The following DDX23 variants were observed in gnomAD, a reference collection of about 807,000 sequenced individuals.
The protein encoded by DDX23 is probable ATP-dependent RNA helicase DDX23.
Under a neutral mutation model 102.7 loss-of-function variants are expected in DDX23, and 33 were observed. The observed-to-expected ratio is 0.32, with a 90% CI of 0.24 to 0.43. DDX23 has a LOEUF of 0.43. Among genes scored for constraint, DDX23 ranks in the 20% least tolerant of loss-of-function variants. The pLI is 1.00. For missense variants in DDX23, 549 were observed against 1,086.6 expected (o/e 0.51, Z 6.96); for synonymous variants, 352 against 376.0 (o/e 0.94, Z 0.74).
At chr12:48,847,524 A>AAAAG (rs1241906004) in intron 1 of DDX23, among the ~76,000 whole-genome samples, 1 of 151,872 alleles carries the variant, frequency 6.6e-6, no homozygotes, top group Non-Finnish European at 1.5e-5. Flanking sequence ...AAAAAAAAAA[A>AAAAG]AAAGAAAGAA....
At chr12:48,851,680 C>G (rs753160544) in intron 1 of DDX23, among the ~76,000 whole-genome samples, 1 of 152,138 alleles carries the variant, frequency 6.6e-6, no homozygotes, top group Non-Finnish European at 1.5e-5. Context: ...ATTAAGGACG[C>G]GGAAAAGAAG....
intron 3 of DDX23, among the ~76,000 whole-genome samples, chr12:48,842,377 C>G (rs1259700676): frequency 7.0e-6 from 1 of 143,228 alleles, no homozygotes; most frequent in African/African-American, 2.6e-5. Context: ...GCCCAGTCAG[C>G]CGCCCCGTCC....
intron 1 of DDX23, among the ~76,000 whole-genome samples, chr12:48,848,146 C>T (rs1262807621): frequency 5.3e-5 from 8 of 151,914 alleles, no homozygotes; most frequent in African/African-American, 1.9e-4. Flanking sequence ...ATTAGCCGGG[C>T]GTGGTGGTGG....
intron 15 of DDX23, chr12:48,831,681 T>C: frequency 2.4e-6 from 1 of 423,420 alleles, no homozygotes; most frequent in Non-Finnish European, 4.3e-6. Flanking sequence ...GACACACCCC[T>C]CCCCTCAAGC....
At chr12:48,831,855 C>A (rs2137480398) in intron 15 of DDX23, 2 of 576,332 alleles carry the variant, frequency 3.5e-6, no homozygotes, top group South Asian at 2.2e-5. Context: ...GGATGAAGAC[C>A]CAAGGCAGCT....
intron 8 of DDX23, 66 bp downstream of exon 8, chr12:48,837,215 G>A (rs763303019): frequency 1.0e-5 from 16 of 1,570,184 alleles, no homozygotes; most frequent in South Asian, 4.5e-5. Context: ...CTCCACCTCC[G>A]TAGTCATCAG....
chr12:48,832,776 T>C lies in DDX23; in HGVS notation c.1804-203A>G, dbSNP rs541935797. 2.8e-5 allele frequency: 18 copies of C among 644,360 alleles called. No homozygotes were observed. The Admixed American group carries it at 4.4e-4, about 16-fold the overall frequency. The allele number at this position is 644,360 out of a possible 1,614,324, so 39.9% of individuals were successfully genotyped here. A position where few individuals can be genotyped will look rare whatever the true frequency, so the allele number is the denominator to read the frequency against. Reference sequence around the variant, plus strand: ...CATCAAGGCACTTTCCATCTTATGATGACAGGAAGGATTGAGAGCATTTGC... The same window carrying C: ...CATCAAGGCACTTTCCATCTTATGACGACAGGAAGGATTGAGAGCATTTGC... On this transcript the variant is annotated intron_variant, in intron 13 of 16. Coordinates refer to ENST00000308025, the MANE Select transcript of DDX23 (RefSeq NM_004818.3). The surrounding 1 kb of genome is among the most constrained non-coding windows in gnomAD (Gnocchi z 4.4).
intron 3 of DDX23, among the ~76,000 whole-genome samples, chr12:48,840,551 T>C (rs11611834): frequency 2.4e-5 from 1 of 42,350 alleles, no homozygotes; most frequent in Non-Finnish European, 5.1e-5. Context: ...TAGAGAAAAA[T>C]TTTTTTTTTT....
At chr12:48,850,683 T>C (rs1442422057) in intron 1 of DDX23, among the ~76,000 whole-genome samples, 1 of 151,880 alleles carries the variant, frequency 6.6e-6, no homozygotes, top group Non-Finnish European at 1.5e-5. Flanking sequence ...TAGCAGCCAG[T>C]GAGAAAAGAC....
chr12:48,844,213 G>C (rs1938624213), intron 2 of DDX23, among the ~76,000 whole-genome samples, 163 bp from the exon 3 acceptor site: 1 of 152,172 alleles, frequency 6.6e-6, no homozygotes, highest in South Asian at 2.1e-4. Context: ...AGCTTTTATA[G>C]ATCAGAGATG....
At chr12:48,850,292 G>A (rs930324410) in intron 1 of DDX23, among the ~76,000 whole-genome samples, 1 of 152,230 alleles carries the variant, frequency 6.6e-6, no homozygotes, top group Non-Finnish European at 1.5e-5. Flanking sequence ...CAGACACAAA[G>A]ATAGCTCCTA....
Position 48,832,232 on chromosome 12 carries a change from C to A in DDX23, c.1956-46G>T. The A allele has an allele frequency of 6.2e-7, 1 of 1,600,150 alleles. No individual in the cohort carries two copies. Among genetic ancestry groups the A allele is most frequent in the Non-Finnish European group, 8.6e-7 (1 of 1,167,796 alleles). On this transcript the variant is annotated intron_variant, in intron 14 of 16. Transcript: ENST00000308025. The surrounding 1 kb of genome is among the most constrained non-coding windows in gnomAD (Gnocchi z 4.4). ...ACAAGATGCATAATACCTCCCACTC[C>A]AAGTGAAATGCCCAACCCTCATCTA...
intron 2 of DDX23, among the ~76,000 whole-genome samples, chr12:48,844,448 T>C (rs1392252321): frequency 6.6e-6 from 1 of 151,944 alleles, no homozygotes; most frequent in Non-Finnish European, 1.5e-5. Flanking sequence ...CTGGCTAATT[T>C]TTGTATTTTT....
At position 48,832,710 on chromosome 12, in the gene DDX23, A is replaced by C. The variant is rs2137481116; in HGVS notation, c.1804-137T>G. The stretch of plus-strand genomic sequence containing the variant: ...GGCTTTGATAGCCACCACCTTAGAA[A>C]ATAGTGTCCTCTGAATTCCCATCCT... On this transcript the variant is annotated intron_variant, in intron 13 of 16. Transcript: ENST00000308025. This position sits in a 1 kb window ranked among gnomAD's most constrained non-coding sequence, Gnocchi z 4.4. 1 of 1,093,322 alleles carries C rather than the reference A, an allele frequency of 9.1e-7. No individual in the cohort carries two copies. The highest frequency in any genetic ancestry group is 1.8e-5 in the South Asian group (1 of 56,574). 67.7% of individuals were successfully genotyped at this position (1,093,322 alleles called of 1,614,324 possible).
Position 48,845,726 on chromosome 12 carries a change from T to C in DDX23, c.57A>G (p.Glu19=). 7.4e-6 allele frequency: 12 copies of C among 1,614,214 alleles called. No homozygotes were observed. The highest frequency in any genetic ancestry group is 1.0e-5 in the Non-Finnish European group (12 of 1,180,036). ...TGTCAGGAGTCCGTGATCGCTTCCT[T>C]TCCTCCTTGGAAGGTGATGCATCAC... ...KDRDASPSKE[E]RKRSRTPDRE... is the part of the protein sequence containing the mutation. The change falls in exon 2 of 17, where the codon GAA becomes GAG. Residue 19 remains glutamate (E), a synonymous_variant. Coordinates refer to ENST00000308025, the MANE Select transcript of DDX23 (RefSeq NM_004818.3).
intron 3 of DDX23, among the ~76,000 whole-genome samples, chr12:48,842,482 C>T (rs1355120335): frequency 1.4e-5 from 2 of 138,130 alleles, no homozygotes; most frequent in East Asian, 2.2e-4. Flanking sequence ...CCAGCCACCC[C>T]GTCCGGGAGG....
chr12:48,838,524 T>C (rs981743102), intron 5 of DDX23, among the ~76,000 whole-genome samples: 1 of 150,312 alleles, frequency 6.7e-6, no homozygotes, highest in Non-Finnish European at 1.5e-5. Context: ...TACTTTAGCC[T>C]GGGCAAACGA....
chr12:48,848,056 C>T (rs910607340), intron 1 of DDX23, among the ~76,000 whole-genome samples: 4 of 152,094 alleles, frequency 2.6e-5, no homozygotes, highest in Non-Finnish European at 5.9e-5. Flanking sequence ...GAGGCTGAGG[C>T]GGGCAGATCA....
At chr12:48,843,884 G>T (rs976956109) in intron 3 of DDX23, 56 bp downstream of exon 3, 1 of 1,575,814 alleles carries the variant, frequency 6.3e-7, no homozygotes, top group Non-Finnish European at 8.7e-7. Context: ...GCAAACTCAG[G>T]TGCAGAGAAG....
Sources: allele counts gnomAD v4.1 joint callset (sites outside exome capture counted in the v4.1 genomes callset), GRCh38; gene constraint gnomAD v4.1.1; non-coding constraint Gnocchi (gnomAD v3.1); transcripts MANE v1.5; gene names NCBI Gene and HGNC (gene_info 2026-07-23, HGNC 2026-07-21).